FKBP9: variants seen among roughly 807,000 people sequenced by gnomAD.
FKBP9 encodes peptidyl-prolyl cis-trans isomerase FKBP9.
In FKBP9, 27 loss-of-function variants were observed where a neutral mutation model predicts 55.6. The ratio of observed to expected loss-of-function variants is 0.49; its 90% CI spans 0.36 to 0.67. FKBP9 has a LOEUF of 0.67. Among genes scored for constraint, FKBP9 ranks in the 30% least tolerant of loss-of-function variants. FKBP9 has a pLI of 0.00. For synonymous variants in FKBP9, 267 were observed against 296.5 expected, an observed-to-expected ratio of 0.90 and a Z score of 1.02; for missense variants, 539 against 742.8, an observed-to-expected ratio of 0.73 and a Z score of 3.19.
intron 4 of FKBP9, 72 bp from the exon 5 acceptor site, chr7:32,980,292 A>G (rs1384429159): frequency 1.5e-6 from 2 of 1,362,184 alleles, no homozygotes; most frequent in Non-Finnish European, 2.0e-6. Context: ...CACCAACCCC[A>G]AGCCTGTTGA....
intron 8 of FKBP9, 135 bp downstream of exon 8, chr7:33,000,395 T>A (rs1409331343): frequency 1.0e-5 from 13 of 1,305,304 alleles, no homozygotes; most frequent in African/African-American, 1.5e-5. Context: ...TTTCTATTTT[T>A]AAAAAATTAT....
At chr7:32,963,979 A>G (rs921580198) in intron 1 of FKBP9, among the ~76,000 whole-genome samples, 2 of 152,268 alleles carry the variant, frequency 1.3e-5, no homozygotes, top group Non-Finnish European at 1.5e-5. Context: ...GGGAAGAGCC[A>G]GTAGGCTGGA....
intron 1 of FKBP9, among the ~76,000 whole-genome samples, chr7:32,965,035 A>G (rs369459415): frequency 0.017 from 2,520 of 146,348 alleles, no homozygotes; most frequent in Non-Finnish European, 0.025. Flanking sequence ...GTGAGACAGG[A>G]CCAACTTTGA....
chr7:32,973,983 C>T (rs542089745), intron 1 of FKBP9, among the ~76,000 whole-genome samples: 1 of 151,852 alleles, frequency 6.6e-6, no homozygotes, highest in Non-Finnish European at 1.5e-5. Flanking sequence ...TGAGCCACTG[C>T]ACCTGGCTGT....
intron 7 of FKBP9, among the ~76,000 whole-genome samples, chr7:32,996,742 TCTTTC>T (rs1784802930): frequency 7.9e-6 from 1 of 126,958 alleles, no homozygotes; most frequent in African/African-American, 3.8e-5. Flanking sequence ...TTCCTTCCTT[TCTTTC>T]TTTTTTTTTT....
chr7:32,959,403 A>AAAAAC (rs759797245), intron 1 of FKBP9, among the ~76,000 whole-genome samples: 5 of 152,254 alleles, frequency 3.3e-5, no homozygotes, highest in Non-Finnish European at 7.3e-5. Context: ...CTCCGTCTCA[A>AAAAAC]AAAACAAAAC....
chr7:32,980,498 T>G lies in FKBP9; in HGVS notation c.838T>G (p.Phe280Val), dbSNP rs1430058917. 6.2e-7 allele frequency: 1 copy of G among 1,613,890 alleles called. No individual in the cohort carries two copies. Among genetic ancestry groups the G allele is most frequent in the Non-Finnish European group, 8.5e-7 (1 of 1,179,860 alleles). The stretch of plus-strand genomic sequence containing the variant: ...TGAGCGGATAAGTCAAAGTGGGGAC[T>G]TTCTCAGGTATCATTACAATGGCAC... ...NCERISQSGD[F>V]LRYHYNGTLL... Residue 280 changes from phenylalanine (F) to valine (V), a missense_variant, in exon 5 of 10, where the codon TTT (phenylalanine) becomes GTT (valine). Coordinates refer to ENST00000242209, the MANE Select transcript of FKBP9 (RefSeq NM_007270.5).
At chr7:33,004,328 A>G (rs951168297) in intron 9 of FKBP9, among the ~76,000 whole-genome samples, 4 of 152,196 alleles carry the variant, frequency 2.6e-5, no homozygotes, top group African/African-American at 9.6e-5. Flanking sequence ...AGGGCCTCAC[A>G]GTGGCCTGTG....
Position 32,988,718 on chromosome 7 carries a change from CTTCTTT to C in FKBP9, c.1039+78_1039+83del. 1.1e-5 allele frequency: 17 copies of C among 1,483,124 alleles called. No individual in the cohort carries two copies. The South Asian group carries it at 1.9e-4, about 17-fold the overall frequency. 91.9% of individuals were successfully genotyped at this position (1,483,124 alleles called of 1,614,324 possible). On this transcript the variant is annotated intron_variant, in intron 6 of 9. Coordinates refer to ENST00000242209, the MANE Select transcript of FKBP9 (RefSeq NM_007270.5). ...TGCTTCCACATTGCTTGAAACAGGG[CTTCTTT>C]TTCTTTTTCTTCTTTCTTTTTGAGA...
chr7:32,996,765 A>ATTT (rs1784805342), intron 7 of FKBP9, among the ~76,000 whole-genome samples: 1 of 26,138 alleles, frequency 3.8e-5, no homozygotes, highest in Non-Finnish European at 6.8e-5. Flanking sequence ...TTTTTTTTTG[A>ATTT]TAAAGTCTCA....
chr7:32,983,136 G>A (rs982373079), intron 5 of FKBP9, among the ~76,000 whole-genome samples: 6 of 151,956 alleles, frequency 3.9e-5, no homozygotes, highest in Admixed American at 6.6e-5. Context: ...CGATTCTCGT[G>A]TCTCAGCCTC....
In FKBP9 at chr7:32,996,297, C is replaced by A. The variant is rs2127988078; in HGVS notation, c.1174C>A (p.Leu392Ile). Reference sequence around the variant, plus strand: ...AGTGCTGAGTAAGAAGGGAGATTACCTCAAATATCACTACAATGCCTCACT... The same window carrying A: ...AGTGCTGAGTAAGAAGGGAGATTACATCAAATATCACTACAATGCCTCACT... ...CSVLSKKGDY[L>I]KYHYNASLLD... The change falls in exon 7 of 10, where the codon CTC becomes ATC. Residue 392 changes from leucine (L) to isoleucine (I), a missense_variant. Physicochemically the swap from Leu to Ile is conservative, Grantham distance 5. Transcript: ENST00000242209. 6.2e-7 allele frequency: 1 copy of A among 1,613,962 alleles called. No homozygotes were observed. Among genetic ancestry groups the A allele is most frequent in the East Asian group, 2.2e-5 (1 of 44,878 alleles).
rs576449965 is a variant in FKBP9 at position 32,988,579 on chromosome 7, A to T, written c.966A>T (p.Leu322=). Residue 322 remains leucine (L), a synonymous_variant, in exon 6 of 10, where the codon CTA becomes CTT. Transcript: ENST00000242209. The part of the protein sequence containing the change: ...GYVIPGMDEG[L]LGVCIGEKRR... ...TGATTCCTGGGATGGATGAAGGTCTACTTGGTGTTTGCATTGGAGAAAAGC... is the reference window on the plus strand; with the variant it reads ...TGATTCCTGGGATGGATGAAGGTCTTCTTGGTGTTTGCATTGGAGAAAAGC... 1 of 1,613,732 alleles carries T rather than the reference A, an allele frequency of 6.2e-7. No individual in the cohort carries two copies. Among genetic ancestry groups the T allele is most frequent in the African/African-American group, 1.3e-5 (1 of 74,860 alleles).
intron 5 of FKBP9, among the ~76,000 whole-genome samples, chr7:32,982,286 G>A (rs922819240): frequency 6.6e-6 from 1 of 152,146 alleles, no homozygotes; most frequent in African/African-American, 2.4e-5. Flanking sequence ...CTCCCAAAGT[G>A]CTGGGATTAT....
intron 3 of FKBP9, among the ~76,000 whole-genome samples, chr7:32,975,948 G>A (rs1784356158): frequency 6.6e-6 from 1 of 152,166 alleles, no homozygotes; most frequent in Non-Finnish European, 1.5e-5. Context: ...ACCCGGCCGT[G>A]TAAGTCTCTA....
chr7:32,970,976 AC>A (rs1207652851), intron 1 of FKBP9, among the ~76,000 whole-genome samples: 12 of 150,248 alleles, frequency 8.0e-5, no homozygotes, highest in African/African-American at 2.7e-4. Flanking sequence ...ACAGGGGAAC[AC>A]CTTTCAGTTT....
At chr7:33,001,306 A>G (rs1385842391) in intron 8 of FKBP9, among the ~76,000 whole-genome samples, 5 of 152,168 alleles carry the variant, frequency 3.3e-5, no homozygotes, top group African/African-American at 1.2e-4. Flanking sequence ...GCACTTTGGG[A>G]TGCCGAGGTG....
chr7:32,960,496 G>A (rs1034439434), intron 1 of FKBP9, among the ~76,000 whole-genome samples: 2 of 152,158 alleles, frequency 1.3e-5, no homozygotes, highest in Non-Finnish European at 1.5e-5. Flanking sequence ...AATGGCTAAC[G>A]ATGTTGAGCA....
chr7:32,970,181 C>T lies in FKBP9; in HGVS notation c.222-4436C>T, dbSNP rs3109428. Among the ~76,000 whole-genome samples the T allele has an allele frequency of 8.6e-5, 13 of 151,926 alleles. No individual in the cohort carries two copies. In the East Asian group the frequency reaches 2.1e-3, roughly 25 times the overall value. ...AACGAGAAATGTCTTTCCATTTATT[C>T]GTGTCCTCTTTAATTTCTTTCTTTC... On this transcript the variant is annotated intron_variant, in intron 1 of 9. Transcript: ENST00000242209.
Sources: gnomAD v4.1 joint callset for allele counts (sites outside exome capture counted in the v4.1 genomes callset) on GRCh38, gnomAD v4.1.1 for gene constraint, MANE v1.5 for transcripts, NCBI Gene and HGNC (gene_info 2026-07-23, HGNC 2026-07-21) for gene names.